The following HACD2 variants were observed in gnomAD, a reference collection of about 807,000 sequenced individuals.
HACD2 encodes very-long-chain (3R)-3-hydroxyacyl-CoA dehydratase 2.
Under a neutral mutation model 31.0 loss-of-function variants are expected in HACD2, and 15 were observed. The observed-to-expected ratio is 0.48, with a 90% confidence interval of 0.32 to 0.75. The LOEUF is 0.75. Among genes scored for constraint, HACD2 ranks in the 30% least tolerant of loss-of-function variants. HACD2 has a pLI of 0.03. For missense variants in HACD2, 283 were observed against 313.0 expected (o/e 0.90, Z 0.72); for synonymous variants, 115 against 122.2 (o/e 0.94, Z 0.39).
At chr3:123,567,916 C>A (rs2056810092) in intron 2 of HACD2, 136 bp from the exon 3 acceptor site, 1 of 457,196 alleles carries the variant, frequency 2.2e-6, no homozygotes. Flanking sequence ...ATGAACATTC[C>A]ATTTTTAAAC....
intron 3 of HACD2, among the ~76,000 whole-genome samples, chr3:123,552,203 G>A (rs893093085): frequency 5.3e-5 from 8 of 152,114 alleles, no homozygotes. Context: ...ACTAACCACA[G>A]GGAAGAGACA....
chr3:123,579,271 T>G (rs2056940213), intron 2 of HACD2, among the ~76,000 whole-genome samples: 1 of 152,096 alleles, frequency 6.6e-6, no homozygotes, highest in Non-Finnish European at 1.5e-5. Flanking sequence ...TACTTAAATT[T>G]TAAAAATTAT....
intron 3 of HACD2, among the ~76,000 whole-genome samples, chr3:123,549,740 C>A (rs1033558805): frequency 6.6e-6 from 1 of 152,076 alleles, no homozygotes; most frequent in African/African-American, 2.4e-5. Flanking sequence ...AGAGCAAGAC[C>A]CTGTCTCCAA....
chr3:123,538,156 A>G (rs1221613771), intron 3 of HACD2, among the ~76,000 whole-genome samples: 1 of 152,176 alleles, frequency 6.6e-6, no homozygotes, highest in African/African-American at 2.4e-5. Context: ...CTTTTTTCCC[A>G]GAACATAGAA....
chr3:123,520,812 G>C (rs2056205131), intron 4 of HACD2, among the ~76,000 whole-genome samples: 1 of 152,068 alleles, frequency 6.6e-6, no homozygotes, highest in South Asian at 2.1e-4. Context: ...ATAGAGCCTT[G>C]TTTCCCCGTG....
At chr3:123,527,475 A>G (rs1303222168) in intron 4 of HACD2, among the ~76,000 whole-genome samples, 2 of 152,212 alleles carry the variant, frequency 1.3e-5, no homozygotes. Flanking sequence ...CTACTGGCCC[A>G]TTAATCACTT....
intron 1 of HACD2, among the ~76,000 whole-genome samples, chr3:123,583,812 G>C (rs1259144777): frequency 2.0e-5 from 3 of 152,100 alleles, no homozygotes; most frequent in Non-Finnish European, 2.9e-5. Context: ...AGGGGAGCTG[G>C]GTAGAAGGGA....
At chr3:123,540,129 T>G (rs2056472438) in intron 3 of HACD2, among the ~76,000 whole-genome samples, 1 of 151,328 alleles carries the variant, frequency 6.6e-6, no homozygotes, top group African/African-American at 2.4e-5. Context: ...ATCCTGGTGC[T>G]TGGTTTTTTG....
At chr3:123,558,920 C>T (rs921232973) in intron 3 of HACD2, among the ~76,000 whole-genome samples, 1 of 152,100 alleles carries the variant, frequency 6.6e-6, no homozygotes, top group Admixed American at 6.5e-5. Flanking sequence ...ACCATCGCAC[C>T]AAAGAACTGC....
intron 4 of HACD2, among the ~76,000 whole-genome samples, chr3:123,506,700 G>A (rs894407397): frequency 6.6e-6 from 1 of 152,088 alleles, no homozygotes; most frequent in Admixed American, 6.5e-5. Flanking sequence ...CTCCCAAAAT[G>A]CTGGGATTAC....
chr3:123,516,316 C>G (rs1033616606), intron 4 of HACD2, among the ~76,000 whole-genome samples: 2 of 150,130 alleles, frequency 1.3e-5, no homozygotes, highest in Non-Finnish European at 2.9e-5. Flanking sequence ...CTCACTGCAA[C>G]CTCCGCCTCC....
intron 3 of HACD2, among the ~76,000 whole-genome samples, chr3:123,549,503 T>G (rs2056595902): frequency 6.6e-6 from 1 of 152,156 alleles, no homozygotes; most frequent in Non-Finnish European, 1.5e-5. Context: ...ATCCCAGCAC[T>G]TTGGGAAGTC....
In HACD2 at chr3:123,494,640, T is replaced by C. The variant is rs1382752493; in HGVS notation, c.*248A>G. ...GCCAAATCCCTTTCTAGTGCCATCATAAATATTAAGAACTTCTGGTTGAAA... is the reference window on the plus strand; with the variant it reads ...GCCAAATCCCTTTCTAGTGCCATCACAAATATTAAGAACTTCTGGTTGAAA... On this transcript the variant is annotated 3_prime_UTR_variant, in exon 7 of 7. Transcript: ENST00000383657. 3 of 507,740 alleles carry C rather than the reference T, an allele frequency of 5.9e-6. No homozygotes were observed. Among genetic ancestry groups the C allele is most frequent in the Non-Finnish European group, 1.0e-5 (3 of 288,640 alleles). 31.5% of individuals were successfully genotyped at this position (507,740 alleles called of 1,614,324 possible).
intron 3 of HACD2, among the ~76,000 whole-genome samples, chr3:123,545,910 C>T (rs2056554614): frequency 6.6e-6 from 1 of 151,882 alleles, no homozygotes; most frequent in African/African-American, 2.4e-5. Flanking sequence ...GGGGTTTCAC[C>T]ATGTTGCCCA....
chr3:123,558,623 G>C (rs1023344057), intron 3 of HACD2, among the ~76,000 whole-genome samples: 1 of 151,838 alleles, frequency 6.6e-6, no homozygotes, highest in Non-Finnish European at 1.5e-5. Flanking sequence ...AGTGAATGAA[G>C]AGAAAAAAAA....
intron 6 of HACD2, among the ~76,000 whole-genome samples, chr3:123,495,633 A>C (rs1037014534): frequency 2.0e-5 from 3 of 151,140 alleles, no homozygotes; most frequent in Non-Finnish European, 4.4e-5. Context: ...AAAGCAAGCC[A>C]GTGTCTTAGG....
chr3:123,562,048 G>A (rs945244778), intron 3 of HACD2, among the ~76,000 whole-genome samples: 8 of 152,200 alleles, frequency 5.3e-5, no homozygotes, highest in Non-Finnish European at 1.0e-4. Context: ...CTGACCTCAG[G>A]TGATCTGCCC....
chr3:123,525,767 T>C (rs1254775892), intron 4 of HACD2, among the ~76,000 whole-genome samples: 2 of 152,162 alleles, frequency 1.3e-5, no homozygotes, highest in African/African-American at 4.8e-5. Flanking sequence ...TGAAAAGAAT[T>C]TGAACATTAC....
intron 3 of HACD2, among the ~76,000 whole-genome samples, chr3:123,549,573 C>T (rs1046061611): frequency 2.0e-5 from 3 of 152,082 alleles, no homozygotes; most frequent in Non-Finnish European, 4.4e-5. Context: ...CATAACGAAA[C>T]CCCGTCTCTA....
Sources: allele counts gnomAD v4.1 joint callset (sites outside exome capture counted in the v4.1 genomes callset), GRCh38; gene constraint gnomAD v4.1.1; transcripts MANE v1.5; gene names NCBI Gene and HGNC (gene_info 2026-07-23, HGNC 2026-07-21).